Variants in CDCA8 observed in about 807,000 individuals in gnomAD.
CDCA8 encodes the protein borealin.
A neutral mutation model predicts 40.0 loss-of-function variants in CDCA8; 25 were observed. The ratio of observed to expected loss-of-function variants is 0.63; its 90% CI spans 0.46 to 0.87. The LOEUF (loss-of-function observed/expected upper bound fraction) is 0.87, where lower values mean the gene tolerates loss of function less well. Among genes scored for constraint, CDCA8 ranks in the 40% least tolerant of loss-of-function variants. The pLI is 0.00. For missense variants in CDCA8, 280 were observed against 348.4 expected (o/e 0.80, Z 1.56); for synonymous variants, 111 against 126.5 (o/e 0.88, Z 0.82).
chr1:37,692,568 C>T lies in CDCA8; in HGVS notation c.-123C>T, dbSNP rs150995419. 2.6e-6 allele frequency: 2 copies of T among 757,508 alleles called. No homozygotes were observed. The highest frequency in any genetic ancestry group is 2.7e-5 in the East Asian group (1 of 37,340). 46.9% of individuals were successfully genotyped at this position (757,508 alleles called of 1,614,324 possible). On this transcript the variant is annotated 5_prime_UTR_variant, in exon 1 of 10. Coordinates refer to ENST00000373055, the MANE Select transcript of CDCA8 (RefSeq NM_001256875.2). ...GCGAGGTTTTGCTCAGCCCTTGTCT[C>T]GGGACCGCAGGTACGTGCCTGGCGA...
At chr1:37,705,947 C>T (rs1387509221) in intron 8 of CDCA8, among the ~76,000 whole-genome samples, 1 of 150,940 alleles carries the variant, frequency 6.6e-6, no homozygotes, top group East Asian at 1.9e-4. Context: ...GTAGCTGGGA[C>T]TACAGGCACA....
At chr1:37,693,229 G>C (rs1323219473) in intron 2 of CDCA8, among the ~76,000 whole-genome samples, 196 bp downstream of exon 2, 1 of 142,932 alleles carries the variant, frequency 7.0e-6, no homozygotes, top group African/African-American at 2.5e-5. Flanking sequence ...GGGGTGGTTG[G>C]GGGGCGGCGG....
chr1:37,692,747 G>A lies in CDCA8; in HGVS notation c.57G>A (p.Arg19=). 1 of 1,613,512 alleles carries A rather than the reference G, an allele frequency of 6.2e-7. No individual in the cohort carries two copies. Among genetic ancestry groups the A allele is most frequent in the Non-Finnish European group, 8.5e-7 (1 of 1,179,982 alleles). The change falls in exon 1 of 10, where the codon CGG becomes CGA. Residue 19 remains arginine, a synonymous_variant. Transcript: ENST00000373055. The part of the protein sequence containing the change: ...RVAKTNSLRR[R]KLASFLKDFD... ...CCAAGACCAACTCCTTACGGAGGCGGAAGCTCGCCTCCTTTCTGAAAGACT... is the reference window on the plus strand; with the variant it reads ...CCAAGACCAACTCCTTACGGAGGCGAAAGCTCGCCTCCTTTCTGAAAGACT...
chr1:37,697,737 T>G (rs1645537184), intron 3 of CDCA8, among the ~76,000 whole-genome samples: 1 of 152,270 alleles, frequency 6.6e-6, no homozygotes, highest in Non-Finnish European at 1.5e-5. Flanking sequence ...CCACCACTGA[T>G]GACTCCATAA....
At chr1:37,692,837 G>A (rs532376046) in intron 1 of CDCA8, 53 bp downstream of exon 1, 1 of 1,612,722 alleles carries the variant, frequency 6.2e-7, no homozygotes, top group South Asian at 1.1e-5. Flanking sequence ...ATGCTGGCGG[G>A]TGGGGACACG....
chr1:37,695,251 A>AGGGT (rs1331112713), intron 2 of CDCA8, among the ~76,000 whole-genome samples: 2 of 150,504 alleles, frequency 1.3e-5, no homozygotes, highest in Admixed American at 6.7e-5. Context: ...GGCAGGGCAT[A>AGGGT]GGGTGGGGAT....
intron 2 of CDCA8, among the ~76,000 whole-genome samples, chr1:37,695,368 TAAAAA>T (rs71690196): frequency 2.6e-4 from 20 of 76,464 alleles, no homozygotes; most frequent in South Asian, 1.2e-3. Flanking sequence ...CATCTCTACT[TAAAAA>T]AAAAAAAAAA....
intron 8 of CDCA8, among the ~76,000 whole-genome samples, chr1:37,705,807 T>TG (rs1163390827): frequency 7.1e-6 from 1 of 141,756 alleles, no homozygotes; most frequent in African/African-American, 2.8e-5. Flanking sequence ...TTGTTTTTTG[T>TG]GGGTTTTTTT....
chr1:37,702,528 A>G (rs546613782), intron 6 of CDCA8, among the ~76,000 whole-genome samples: 3 of 152,322 alleles, frequency 2.0e-5, no homozygotes, highest in African/African-American at 7.2e-5. Flanking sequence ...TTAGGAGAGT[A>G]GTCACCGGGA....
rs143077966 is a variant in CDCA8, at chr1:37,696,333, C to T, written c.264+383C>T. ...TTTTGCTTGGGATGCTCAGTATTCCCCAACCCCTCTCATCTCCTTCCTCCC... is the reference window on the plus strand; with the variant it reads ...TTTTGCTTGGGATGCTCAGTATTCCTCAACCCCTCTCATCTCCTTCCTCCC... On this transcript the variant is annotated intron_variant, in intron 3 of 9. Transcript: ENST00000373055. This position sits in a 1 kb window ranked among gnomAD's most constrained non-coding sequence, Gnocchi z 5.0. 7.4e-3 allele frequency among the ~76,000 whole-genome samples: 1,132 copies of T among 152,178 alleles called. 21 individuals carry two copies. The highest frequency in any genetic ancestry group is 0.025 in the African/African-American group (1,049 of 41,510).
Position 37,696,678 on chromosome 1 carries a change from A to T in CDCA8, c.264+728A>T, listed in dbSNP as rs980630143. Among the ~76,000 whole-genome samples the T allele has an allele frequency of 2.0e-5, 3 of 152,192 alleles. No homozygotes were observed. Among genetic ancestry groups the T allele is most frequent in the Admixed American group, 2.0e-4 (3 of 15,288 alleles). ...CTAGGCACTCTAAAATAATATACAA[A>T]CAATGCGTGTGTATGCACGCATTTG... On this transcript the variant is annotated intron_variant, in intron 3 of 9. Transcript: ENST00000373055. This position sits in a 1 kb window ranked among gnomAD's most constrained non-coding sequence, Gnocchi z 5.0.
intron 5 of CDCA8, 129 bp from the exon 6 acceptor site, chr1:37,701,625 A>C (rs567813): frequency 1.8e-6 from 1 of 567,974 alleles, no homozygotes; most frequent in Non-Finnish European, 3.1e-6. Context: ...TCTGAGATAC[A>C]CCTTATTATA....
At chr1:37,703,222 G>C in intron 6 of CDCA8, 30 bp from the exon 7 acceptor site, 1 of 1,543,314 alleles carries the variant, frequency 6.5e-7, no homozygotes, top group Non-Finnish European at 9.0e-7. Flanking sequence ...CTGAGAGTTG[G>C]CATACCTGAT....
At chr1:37,705,809 G>GGTTT (rs1645595531) in intron 8 of CDCA8, among the ~76,000 whole-genome samples, 1 of 141,292 alleles carries the variant, frequency 7.1e-6, no homozygotes, top group Non-Finnish European at 1.5e-5. Flanking sequence ...GTTTTTTGTG[G>GGTTT]GTTTTTTTTT....
At chr1:37,700,591 C>T in intron 5 of CDCA8, 70 bp downstream of exon 5, 1 of 884,876 alleles carries the variant, frequency 1.1e-6, no homozygotes, top group South Asian at 1.3e-5. Flanking sequence ...ATAAAATACA[C>T]TGTTGTACAC....
Position 37,708,519 on chromosome 1 carries a change from C to T in CDCA8, c.*153C>T. On this transcript the variant is annotated 3_prime_UTR_variant, in exon 10 of 10. Coordinates refer to ENST00000373055, the MANE Select transcript of CDCA8 (RefSeq NM_001256875.2). The stretch of plus-strand genomic sequence containing the variant: ...CAGGAATTCAGACGTGCTAGTCCCA[C>T]ACCAGTTAGGTAGAGCTGTCTGTTC... The T allele has an allele frequency of 1.4e-6, 1 of 696,852 alleles. No individual in the cohort carries two copies. Among genetic ancestry groups the T allele is most frequent in the Non-Finnish European group, 2.6e-6 (1 of 391,864 alleles). The allele number at this position is 696,852 out of a possible 1,614,324, so 43.2% of individuals were successfully genotyped here.
chr1:37,692,536 T>C lies in CDCA8; in HGVS notation c.-155T>C. 1 of 648,778 alleles carries C rather than the reference T, an allele frequency of 1.5e-6. No homozygotes were observed. Among genetic ancestry groups the C allele is most frequent in the Non-Finnish European group, 2.8e-6 (1 of 354,796 alleles). The allele number at this position is 648,778 out of a possible 1,614,324, so 40.2% of individuals were successfully genotyped here. On this transcript the variant is annotated 5_prime_UTR_variant, in exon 1 of 10. Transcript: ENST00000373055. ...TGACTGTAGAGCCGCTCTCTCTCACTGGCACAGCGAGGTTTTGCTCAGCCC... is the reference window on the plus strand; with the variant it reads ...TGACTGTAGAGCCGCTCTCTCTCACCGGCACAGCGAGGTTTTGCTCAGCCC...
intron 7 of CDCA8, among the ~76,000 whole-genome samples, chr1:37,703,739 C>T (rs1557518408): frequency 6.6e-6 from 1 of 151,970 alleles, no homozygotes; most frequent in Non-Finnish European, 1.5e-5. Flanking sequence ...AAAATAGTCC[C>T]GAGTCCTTGG....
At chr1:37,707,165 CT>C in intron 9 of CDCA8, 101 bp downstream of exon 9, 1 of 831,800 alleles carries the variant, frequency 1.2e-6, no homozygotes, top group East Asian at 2.5e-5. Context: ...ATACTTTCTA[CT>C]TAAATTTGTG....
Sources: allele counts gnomAD v4.1 joint callset (sites outside exome capture counted in the v4.1 genomes callset), GRCh38; gene constraint gnomAD v4.1.1; non-coding constraint Gnocchi (gnomAD v3.1); transcripts MANE v1.5; gene names NCBI Gene and HGNC (gene_info 2026-07-23, HGNC 2026-07-21).